The following GPALPP1 variants were observed in gnomAD, a reference collection of about 807,000 sequenced individuals.
GPALPP1 encodes the protein GPALPP motifs containing 1, also known as GPALPP motifs-containing protein 1.
Under a neutral mutation model 38.9 loss-of-function variants are expected in GPALPP1, and 30 were observed. That is an observed-to-expected ratio of 0.77 (90% confidence interval 0.58 to 1.05). The LOEUF is 1.05. Among genes scored for constraint, GPALPP1 ranks in the 50% least tolerant of loss-of-function variants. The probability of loss-of-function intolerance (pLI) is 0.00; values close to 1 mark genes in which losing one functional copy is unlikely to be tolerated. For synonymous variants in GPALPP1, 120 were observed against 139.2 expected (o/e 0.86, Z 0.97); for missense variants, 384 against 408.8 (o/e 0.94, Z 0.52).
rs1452723073 is a variant in GPALPP1 at position 45,028,909 on chromosome 13, T to C, written c.*906T>C. ...TATTAAAAATATATATATATAAAAA[T>C]TAGCCAGGTGTGGTGGCACGTGCCT... is the stretch of plus-strand genomic sequence containing the variant. On this transcript the variant is annotated 3_prime_UTR_variant, in exon 8 of 8. Transcript: ENST00000379151. 1.3e-5 allele frequency: 2 copies of C among 149,180 alleles called. No homozygotes were observed. The highest frequency in any genetic ancestry group is 2.1e-4 in the South Asian group (1 of 4,808). 9.2% of individuals were successfully genotyped at this position (149,180 alleles called of 1,614,324 possible).
chr13:45,003,524 T>C (rs1237690684), intron 1 of GPALPP1, among the ~76,000 whole-genome samples: 1 of 152,200 alleles, frequency 6.6e-6, no homozygotes, highest in Non-Finnish European at 1.5e-5. Flanking sequence ...GTCTGATAAA[T>C]ATCCAACCTT....
chr13:45,008,383 C>A (rs1196961906), intron 3 of GPALPP1, among the ~76,000 whole-genome samples: 1 of 152,018 alleles, frequency 6.6e-6, no homozygotes, highest in African/African-American at 2.4e-5. Flanking sequence ...TTATAATGCC[C>A]CTAAGGTATC....
In GPALPP1 at chr13:44,989,574, C is replaced by G. The variant is rs563018974; in HGVS notation, c.-81C>G. The G allele has an allele frequency of 3.5e-4, 529 of 1,492,154 alleles. 9 individuals carry two copies. In the East Asian group the frequency reaches 0.012, roughly 33 times the overall value. The allele number at this position is 1,492,154 out of a possible 1,614,324, so 92.4% of individuals were successfully genotyped here. Reference sequence around the variant, plus strand: ...GCGCCGGGAAACCTGCCATTCTTCGCTGCTGATCGCGGGATTCTTTTTGGA... The same window carrying G: ...GCGCCGGGAAACCTGCCATTCTTCGGTGCTGATCGCGGGATTCTTTTTGGA... On this transcript the variant is annotated 5_prime_UTR_variant, in exon 1 of 8. Transcript: ENST00000379151.
Position 44,993,396 on chromosome 13 carries a change from G to A in GPALPP1, c.88+3654G>A, listed in dbSNP as rs1358267498. On this transcript the variant is annotated intron_variant, in intron 1 of 7. Transcript: ENST00000379151. ...CACACCTGTAATCCCAGCACTTTGG[G>A]AGACCGAGGCAGGTGACCTCACCTG... Among the ~76,000 whole-genome samples the A allele has an allele frequency of 3.3e-5, 5 of 152,192 alleles. No homozygotes were observed. The East Asian group carries it at 9.6e-4, about 29-fold the overall frequency.
chr13:44,992,033 A>G (rs1872840555), intron 1 of GPALPP1, among the ~76,000 whole-genome samples: 2 of 152,206 alleles, frequency 1.3e-5, no homozygotes, highest in Non-Finnish European at 2.9e-5. Flanking sequence ...AGTAATTTCC[A>G]TTTGGAGGCT....
chr13:45,025,942 G>A (rs1220649138), intron 7 of GPALPP1, among the ~76,000 whole-genome samples: 2 of 151,930 alleles, frequency 1.3e-5, no homozygotes, highest in Non-Finnish European at 2.9e-5. Flanking sequence ...GGCTAATTTT[G>A]TATTTTTAGT....
chr13:45,015,388 C>A, intron 5 of GPALPP1, 44 bp from the exon 6 acceptor site: 1 of 1,253,160 alleles, frequency 8.0e-7, no homozygotes, highest in Non-Finnish European at 1.1e-6. Context: ...TCATCTTATA[C>A]ACGATATGTA....
At chr13:45,007,502 A>G (rs1030015455) in intron 3 of GPALPP1, among the ~76,000 whole-genome samples, 1 of 152,218 alleles carries the variant, frequency 6.6e-6, no homozygotes, top group African/African-American at 2.4e-5. Context: ...AGATTGCTAA[A>G]AATTGTACTC....
exon 8 of GPALPP1, chr13:45,037,109 C>G (rs1256399538): frequency 1.3e-5 from 2 of 152,210 alleles, no homozygotes; most frequent in Non-Finnish European, 2.9e-5. Flanking sequence ...TTTCATATCT[C>G]TGATTACTTA....
At chr13:45,007,637 C>G (rs1874192149) in intron 3 of GPALPP1, among the ~76,000 whole-genome samples, 1 of 152,104 alleles carries the variant, frequency 6.6e-6, no homozygotes, top group African/African-American at 2.4e-5. Flanking sequence ...TGAATCAAGA[C>G]AAGAGATTAT....
chr13:45,032,648 C>T (rs868289275), downstream of GPALPP1, among the ~76,000 whole-genome samples: 91 of 151,304 alleles, frequency 6.0e-4, no homozygotes, highest in Middle Eastern at 3.4e-3. Context: ...TCAGGTGATC[C>T]GCCCACCTCA....
At chr13:45,034,796 G>A (rs1477477995), downstream of GPALPP1, 1 of 147,822 alleles carries the variant, frequency 6.8e-6, no homozygotes, top group Non-Finnish European at 1.5e-5. Context: ...GAGTGTAATG[G>A]CGCAATCTCG....
intron 4 of GPALPP1, among the ~76,000 whole-genome samples, chr13:45,011,659 G>C (rs570867380): frequency 1.3e-5 from 2 of 152,172 alleles, no homozygotes; most frequent in Non-Finnish European, 2.9e-5. Context: ...CCTCCGACAC[G>C]TGGGGATTAT....
intron 6 of GPALPP1, among the ~76,000 whole-genome samples, chr13:45,019,604 CT>C (rs751928407): frequency 0.065 from 8,245 of 126,492 alleles, 668 homozygotes; most frequent in African/African-American, 0.2. Flanking sequence ...CACAATTTTT[CT>C]TTTTTTTTTT....
chr13:44,994,492 G>C (rs938708044), intron 1 of GPALPP1, among the ~76,000 whole-genome samples: 1 of 152,154 alleles, frequency 6.6e-6, no homozygotes, highest in Non-Finnish European at 1.5e-5. Context: ...TGAGGCAGGA[G>C]AATTGAATTA....
intron 7 of GPALPP1, among the ~76,000 whole-genome samples, chr13:45,023,414 G>A (rs939574088): frequency 6.6e-6 from 1 of 152,162 alleles, no homozygotes. Flanking sequence ...GTGATTTAAT[G>A]TATTCCTCTG....
chr13:44,990,052 TA>T (rs1422342691), intron 1 of GPALPP1: 19 of 507,014 alleles, frequency 3.7e-5, no homozygotes, highest in Non-Finnish European at 5.9e-5. Flanking sequence ...AGAAAAAAAC[TA>T]TTTTCCCATG....
chr13:44,996,352 C>T (rs1242056925), intron 1 of GPALPP1, among the ~76,000 whole-genome samples: 1 of 146,452 alleles, frequency 6.8e-6, no homozygotes, highest in Non-Finnish European at 1.5e-5. Flanking sequence ...AAGACCTTGT[C>T]GCAAAAAAAA....
intron 1 of GPALPP1, among the ~76,000 whole-genome samples, chr13:44,996,790 T>TA (rs1873315303): frequency 6.9e-6 from 1 of 144,994 alleles, no homozygotes; most frequent in African/African-American, 2.6e-5. Flanking sequence ...GCCTCTTTTT[T>TA]TTTTTTTTTT....
Sources: gnomAD v4.1 joint callset for allele counts (sites outside exome capture counted in the v4.1 genomes callset) on GRCh38, gnomAD v4.1.1 for gene constraint, MANE v1.5 for transcripts, NCBI Gene and HGNC (gene_info 2026-07-23, HGNC 2026-07-21) for gene names.